Variants in ADGRL2 observed in about 807,000 individuals in gnomAD.
ADGRL2 encodes the protein calcium-independent alpha-latrotoxin receptor 2.
Under a neutral mutation model 157.4 loss-of-function variants are expected in ADGRL2, and 44 were observed. The observed-to-expected ratio is 0.28, with a 90% CI of 0.22 to 0.36. ADGRL2 has a LOEUF of 0.36. Ranked by LOEUF, ADGRL2 falls within the 10% of genes least tolerant of loss-of-function variation. The probability of loss-of-function intolerance (pLI) is 1.00; values close to 1 mark genes in which losing one functional copy is unlikely to be tolerated. For missense variants in ADGRL2, 1,510 were observed against 1,768.9 expected, an observed-to-expected ratio of 0.85 and a Z score of 2.63; for synonymous variants, 585 against 624.7, an observed-to-expected ratio of 0.94 and a Z score of 0.95.
intron 3 of ADGRL2, among the ~76,000 whole-genome samples, chr1:81,583,198 A>G (rs1441152743): frequency 6.6e-6 from 1 of 152,194 alleles, no homozygotes; most frequent in Non-Finnish European, 1.5e-5. Context: ...TAAAAAAACC[A>G]AAGAGAATTT....
At chr1:81,969,042 C>T (rs966112376) in intron 14 of ADGRL2, 136 bp from the exon 15 acceptor site, 2 of 642,410 alleles carry the variant, frequency 3.1e-6, no homozygotes, top group Non-Finnish European at 5.4e-6. Context: ...TGGTATTGAG[C>T]CTTTTTTGAA....
chr1:81,918,458 T>A (rs1420873828), intron 3 of ADGRL2, among the ~76,000 whole-genome samples: 1 of 152,138 alleles, frequency 6.6e-6, no homozygotes, highest in Admixed American at 6.6e-5. Context: ...AGTTTTCTCT[T>A]ACATATTCTT....
chr1:81,504,412 G>T (rs2078923880), intron 2 of ADGRL2, among the ~76,000 whole-genome samples: 1 of 152,140 alleles, frequency 6.6e-6, no homozygotes, highest in Non-Finnish European at 1.5e-5. Flanking sequence ...AAATACCTCA[G>T]ATTTGTAATT....
chr1:81,872,045 T>C (rs2093710105), intron 2 of ADGRL2, among the ~76,000 whole-genome samples: 1 of 152,194 alleles, frequency 6.6e-6, no homozygotes, highest in Non-Finnish European at 1.5e-5. Flanking sequence ...GGTTTTCTTC[T>C]AGGGTTTTTA....
intron 1 of ADGRL2, among the ~76,000 whole-genome samples, chr1:81,348,267 A>G (rs1488896115): frequency 3.0e-4 from 46 of 152,140 alleles, no homozygotes; most frequent in Admixed American, 6.5e-5. Context: ...TCCCCAACAG[A>G]CACACACACA....
At chr1:81,782,390 G>T (rs1253334736) in intron 2 of ADGRL2, among the ~76,000 whole-genome samples, 1 of 151,936 alleles carries the variant, frequency 6.6e-6, no homozygotes, top group Non-Finnish European at 1.5e-5. Flanking sequence ...TTAATGAGGG[G>T]GTAATTTCTA....
At chr1:81,481,713 T>G (rs11163306) in intron 2 of ADGRL2, among the ~76,000 whole-genome samples, 106,577 of 152,034 alleles carry the variant, frequency 0.7, 38,261 homozygotes, top group Non-Finnish European at 0.78. Context: ...TTGGCCCCAT[T>G]TACTGTATAG....
chr1:81,884,039 TAG>T (rs2094060829), intron 2 of ADGRL2, among the ~76,000 whole-genome samples: 3 of 151,508 alleles, frequency 2.0e-5, no homozygotes, highest in Non-Finnish European at 4.4e-5. Flanking sequence ...TCACCCAGTC[TAG>T]AGTGCAGTGG....
intron 2 of ADGRL2, among the ~76,000 whole-genome samples, chr1:81,580,270 C>T (rs919259679): frequency 1.3e-5 from 2 of 151,826 alleles, no homozygotes; most frequent in Non-Finnish European, 2.9e-5. Flanking sequence ...TGCTCACAGA[C>T]AAGGTAGGTT....
At chr1:81,417,704 G>T (rs1487829258) in intron 1 of ADGRL2, among the ~76,000 whole-genome samples, 1 of 152,128 alleles carries the variant, frequency 6.6e-6, no homozygotes, top group African/African-American at 2.4e-5. Flanking sequence ...CATAATTTCA[G>T]TTCGAAACTT....
At position 81,970,520 on chromosome 1, in the gene ADGRL2, T is replaced by C. The variant is rs146774937; in HGVS notation, c.2940T>C (p.Tyr980=). The C allele has an allele frequency of 1.9e-4, 309 of 1,605,074 alleles. No homozygotes were observed. The highest frequency in any genetic ancestry group is 2.5e-4 in the Non-Finnish European group (300 of 1,177,246). Residue 980 remains tyrosine (Y), a synonymous_variant, in exon 16 of 24, where the codon TAT becomes TAC. Transcript: ENST00000686636. ...CAGCTGCTATTGACTATAAGAGCTA[T>C]GGAACAGAAAAAGCGTAAGTAATTG... ...GVSAAIDYKS[Y]GTEKACWLHV...
At chr1:81,349,330 G>A (rs1368613846) in intron 1 of ADGRL2, among the ~76,000 whole-genome samples, 4 of 152,080 alleles carry the variant, frequency 2.6e-5, no homozygotes, top group African/African-American at 9.7e-5. Context: ...TTGTTTATAT[G>A]GTGTTCAGTC....
In ADGRL2 at chr1:81,318,249, T is replaced by C. The variant is rs114684928; in HGVS notation, c.-302+11740T>C. ...TGAATAAGTAAATAGTTTAGTTTAT[T>C]GATTGATATTAGTCAGTGAAGCCAA... On this transcript the variant is annotated intron_variant, in intron 1 of 24. Transcript: ENST00000370721. Among the ~76,000 whole-genome samples the C allele has an allele frequency of 3.5e-3, 533 of 152,330 alleles. 4 individuals carry two copies. The highest frequency in any genetic ancestry group is 0.011 in the African/African-American group (478 of 41,580).
intron 2 of ADGRL2, among the ~76,000 whole-genome samples, chr1:81,510,580 T>C (rs548156895): frequency 1.3e-3 from 204 of 152,274 alleles, no homozygotes; most frequent in African/African-American, 4.9e-3. Flanking sequence ...ATAGAGAAGA[T>C]ATGCATTGGC....
chr1:81,388,444 C>T (rs555327108), intron 1 of ADGRL2, among the ~76,000 whole-genome samples: 15 of 24,436 alleles, frequency 6.1e-4, no homozygotes, highest in African/African-American at 9.5e-4. Context: ...CCACAACTTT[C>T]ATTTTTTCTT....
chr1:81,699,724 C>T (rs17458188), upstream of ADGRL2: 1,442 of 152,310 alleles, frequency 9.5e-3, 20 homozygotes, highest in Middle Eastern at 0.075. Context: ...AGGCTCAATA[C>T]TCTTTTCTCA....
At chr1:81,342,267 G>A (rs913481728) in intron 1 of ADGRL2, among the ~76,000 whole-genome samples, 18 of 152,252 alleles carry the variant, frequency 1.2e-4, no homozygotes, top group African/African-American at 4.3e-4. Context: ...ATGTCCATAT[G>A]TTTTAGATCC....
intron 1 of ADGRL2, among the ~76,000 whole-genome samples, chr1:81,815,740 TA>T (rs1408681581): frequency 6.6e-6 from 1 of 151,880 alleles, no homozygotes; most frequent in Non-Finnish European, 1.5e-5. Context: ...TCATGTGTTT[TA>T]TTTTTTACTA....
At chr1:81,665,243 G>A (rs1002832977) in intron 3 of ADGRL2, among the ~76,000 whole-genome samples, 4 of 152,208 alleles carry the variant, frequency 2.6e-5, no homozygotes, top group Non-Finnish European at 5.9e-5. Context: ...TAGAGAACAT[G>A]CAAAGATACA....
Sources: gnomAD v4.1 joint callset for allele counts (sites outside exome capture counted in the v4.1 genomes callset) on GRCh38, gnomAD v4.1.1 for gene constraint, MANE v1.5 for transcripts, NCBI Gene and HGNC (gene_info 2026-07-23, HGNC 2026-07-21) for gene names.